PRDM6: variants seen among roughly 807,000 people sequenced by gnomAD.
PRDM6 encodes the protein putative histone-lysine N-methyltransferase PRDM6.
A neutral mutation model predicts 60.8 loss-of-function variants in PRDM6; 25 were observed. That is an observed-to-expected ratio of 0.41 (90% CI 0.30 to 0.57). The LOEUF (loss-of-function observed/expected upper bound fraction) is 0.57, where lower values mean the gene tolerates loss of function less well. PRDM6 is among the 20% of genes least tolerant of loss of function. The pLI, the probability that PRDM6 is intolerant of heterozygous loss-of-function variation, is 0.27. For synonymous variants in PRDM6, 407 were observed against 357.4 expected (o/e 1.14, Z -1.57); for missense variants, 839 against 821.3 (o/e 1.02, Z -0.26).
intron 2 of PRDM6, among the ~76,000 whole-genome samples, chr5:123,094,080 TGGGAACACCA>T (rs1444296292): frequency 6.6e-6 from 1 of 151,912 alleles, no homozygotes; most frequent in African/African-American, 2.4e-5. Context: ...GCTTCCTTGT[TGGGAACACCA>T]GGCTTTCCAA....
At chr5:123,183,138 T>C (rs1766203893) in intron 7 of PRDM6, among the ~76,000 whole-genome samples, 2 of 152,240 alleles carry the variant, frequency 1.3e-5, no homozygotes, top group African/African-American at 2.4e-5. Flanking sequence ...TTAATTTTAC[T>C]ACTTCAACTA....
intron 2 of PRDM6, among the ~76,000 whole-genome samples, chr5:123,091,940 GA>G (rs34401743): frequency 0.33 from 49,894 of 149,752 alleles, 8,557 homozygotes; most frequent in Middle Eastern, 0.4. Flanking sequence ...TTGATTTGAT[GA>G]AAAAAAAAAC....
At chr5:123,123,580 G>A (rs868555254) in intron 3 of PRDM6, among the ~76,000 whole-genome samples, 2 of 152,084 alleles carry the variant, frequency 1.3e-5, no homozygotes, top group African/African-American at 2.4e-5. Context: ...TGGGATCCTT[G>A]GAATCCACGT....
Position 123,120,578 on chromosome 5 carries a change from C to G in PRDM6, c.900+20617C>G, listed in dbSNP as rs1018407172. Among the ~76,000 whole-genome samples, 3 of 152,282 alleles carry G rather than the reference C, an allele frequency of 2.0e-5. No individual in the cohort carries two copies. The East Asian group carries it at 5.8e-4, about 29-fold the overall frequency. The stretch of plus-strand genomic sequence containing the variant: ...AGGAAAAAATTTTAAATTCTCACAG[C>G]TCACCATCCGGAGGCAAACTCTAAA... On this transcript the variant is annotated intron_variant, in intron 3 of 7. Transcript: ENST00000407847.
At chr5:123,109,460 G>A (rs1440511637) in intron 3 of PRDM6, among the ~76,000 whole-genome samples, 2 of 152,078 alleles carry the variant, frequency 1.3e-5, no homozygotes, top group East Asian at 3.9e-4. Context: ...GATATAAAGA[G>A]TATCATTATT....
At chr5:123,174,172 C>A (rs1248207634) in intron 6 of PRDM6, among the ~76,000 whole-genome samples, 1 of 152,216 alleles carries the variant, frequency 6.6e-6, no homozygotes, top group Non-Finnish European at 1.5e-5. Context: ...TGAAATGCAT[C>A]ATTGAGCATT....
intron 3 of PRDM6, among the ~76,000 whole-genome samples, chr5:123,106,154 C>T (rs1187492878): frequency 2.6e-5 from 4 of 152,188 alleles, no homozygotes; most frequent in African/African-American, 9.7e-5. Flanking sequence ...TGAGATTGAG[C>T]AGTAAGTAAA....
chr5:123,189,502 A>G lies in PRDM6; in HGVS notation c.*2301A>G, dbSNP rs1024545279. 32 of 152,198 alleles carry G rather than the reference A, an allele frequency of 2.1e-4. No homozygotes were observed. The highest frequency in any genetic ancestry group is 1.8e-3 in the Admixed American group (27 of 15,274). 9.4% of individuals were successfully genotyped at this position (152,198 alleles called of 1,614,324 possible). ...TGGCATGGGAAGGTTTTCCTTAACAATGATCTCTCTGCCACCCTGATAGCT... is the reference window on the plus strand; with the variant it reads ...TGGCATGGGAAGGTTTTCCTTAACAGTGATCTCTCTGCCACCCTGATAGCT... On this transcript the variant is annotated 3_prime_UTR_variant, in exon 8 of 8. Transcript: ENST00000407847.
intron 3 of PRDM6, among the ~76,000 whole-genome samples, chr5:123,111,495 G>A (rs914878823): frequency 6.6e-6 from 1 of 152,124 alleles, no homozygotes; most frequent in South Asian, 2.1e-4. Flanking sequence ...TCAGGAGATC[G>A]AGACCATCCT....
At chr5:123,179,925 G>C (rs148028703) in intron 6 of PRDM6, among the ~76,000 whole-genome samples, 2 of 152,294 alleles carry the variant, frequency 1.3e-5, no homozygotes, top group East Asian at 1.9e-4. Flanking sequence ...ATTAGTACTG[G>C]AAAGGGGTAT....
intron 3 of PRDM6, among the ~76,000 whole-genome samples, chr5:123,137,753 C>T (rs1022839445): frequency 1.3e-5 from 2 of 151,272 alleles, no homozygotes; most frequent in Non-Finnish European, 2.9e-5. Context: ...CAGACCTGCA[C>T]GTTCTGCATA....
At chr5:123,162,103 A>G (rs1423587396) in intron 5 of PRDM6, among the ~76,000 whole-genome samples, 1 of 152,198 alleles carries the variant, frequency 6.6e-6, no homozygotes, top group African/African-American at 2.4e-5. Context: ...AGCTGGAAGG[A>G]TGGCATGACC....
In PRDM6 at chr5:123,183,183, A is replaced by G. The variant is rs1024236980; in HGVS notation, c.1673+2860A>G. Among the ~76,000 whole-genome samples, 8 of 152,234 alleles carry G rather than the reference A, an allele frequency of 5.3e-5. No homozygotes were observed. The South Asian group carries it at 8.3e-4, about 16-fold the overall frequency. On this transcript the variant is annotated intron_variant, in intron 7 of 7. Transcript: ENST00000407847. The stretch of plus-strand genomic sequence containing the variant: ...GGCTTACACAATGTTACAAAGAAGG[A>G]GAAGAATCTTGTAAAGGCACATAAC...
At chr5:123,132,464 A>AT (rs1279561832) in intron 3 of PRDM6, among the ~76,000 whole-genome samples, 1 of 151,848 alleles carries the variant, frequency 6.6e-6, no homozygotes, top group Admixed American at 6.6e-5. Flanking sequence ...GAAATCTTGG[A>AT]TTTTCTATAA....
At chr5:123,096,402 A>T (rs35796985) in intron 2 of PRDM6, among the ~76,000 whole-genome samples, 4,792 of 152,290 alleles carry the variant, frequency 0.031, 102 homozygotes, top group Middle Eastern at 0.1. Flanking sequence ...TGTCTTCTTA[A>T]GCATATTTGT....
At chr5:123,118,556 G>T (rs1764508418) in intron 3 of PRDM6, among the ~76,000 whole-genome samples, 1 of 152,174 alleles carries the variant, frequency 6.6e-6, no homozygotes, top group Non-Finnish European at 1.5e-5. Context: ...CTTCATTTGG[G>T]CTGATAAAGA....
At position 123,193,483 on chromosome 5, in the gene PRDM6, T is replaced by C. The variant is rs953682745; in HGVS notation, c.*6282T>C. 1 of 152,176 alleles carries C rather than the reference T, an allele frequency of 6.6e-6. No individual in the cohort carries two copies. The highest frequency in any genetic ancestry group is 1.5e-5 in the Non-Finnish European group (1 of 68,022). 9.4% of individuals were successfully genotyped at this position (152,176 alleles called of 1,614,324 possible). A position where few individuals can be genotyped will look rare whatever the true frequency, so the allele number is the denominator to read the frequency against. On this transcript the variant is annotated 3_prime_UTR_variant, in exon 8 of 8. Coordinates refer to ENST00000407847, the MANE Select transcript of PRDM6 (RefSeq NM_001136239.4). ...AAAATCAGCACTTGTAGACTTACTT[T>C]CTCTGAACAATCTAGTACACTTCTC...
chr5:123,145,731 TAA>T (rs200345864), intron 3 of PRDM6, among the ~76,000 whole-genome samples: 1 of 126,088 alleles, frequency 7.9e-6, no homozygotes, highest in African/African-American at 2.9e-5. Flanking sequence ...ATTTAAGATC[TAA>T]AAATATGTTT....
rs549403875 is a variant in PRDM6 at position 123,104,394 on chromosome 5, A to G, written c.900+4433A>G. ...TTAGATGTTGAAAAAATTATTTTAA[A>G]TTAATCATTTTCAATTAAATTAGAA... is the stretch of plus-strand genomic sequence containing the variant. On this transcript the variant is annotated intron_variant, in intron 3 of 7. Transcript: ENST00000407847. 2.0e-5 allele frequency among the ~76,000 whole-genome samples: 3 copies of G among 152,222 alleles called. No homozygotes were observed. The East Asian group carries it at 5.8e-4, about 29-fold the overall frequency.
Sources: allele counts gnomAD v4.1 joint callset (sites outside exome capture counted in the v4.1 genomes callset), GRCh38; gene constraint gnomAD v4.1.1; transcripts MANE v1.5; gene names NCBI Gene and HGNC (gene_info 2026-07-23, HGNC 2026-07-21).